Variants in TMEM217B observed in about 807,000 individuals in gnomAD.
The protein encoded by TMEM217B is transmembrane protein 217B.
At chr6:37,212,245 TA>T in the TMEM217B span, 139 of 341,984 alleles carry the variant, frequency 4.1e-4, 1 homozygote, top group African/African-American at 2.7e-3. Flanking sequence ...AACACATCTG[TA>T]AAATAATTGA....
the TMEM217B span, among the ~76,000 whole-genome samples, chr6:37,235,329 G>T: frequency 6.6e-6 from 1 of 152,090 alleles, no homozygotes; most frequent in South Asian, 2.1e-4. Context: ...GAACACCACA[G>T]ACTGGGTAAT....
the TMEM217B span, among the ~76,000 whole-genome samples, chr6:37,237,078 C>G: frequency 6.6e-6 from 1 of 152,160 alleles, no homozygotes; most frequent in Non-Finnish European, 1.5e-5. Flanking sequence ...CCTCAGAAGT[C>G]CCATAGCAAC....
chr6:37,235,659 C>A, the TMEM217B span, among the ~76,000 whole-genome samples: 1 of 152,184 alleles, frequency 6.6e-6, no homozygotes, highest in Non-Finnish European at 1.5e-5. Context: ...AGCCACCACG[C>A]CTGGCCTAAT....
the TMEM217B span, chr6:37,217,707 A>G: frequency 1.0e-6 from 1 of 985,388 alleles, no homozygotes; most frequent in South Asian, 4.7e-5. Context: ...TGGGGAAATC[A>G]TAGCACAAAC....
At chr6:37,223,831 T>C in the TMEM217B span, among the ~76,000 whole-genome samples, 2 of 151,846 alleles carry the variant, frequency 1.3e-5, no homozygotes, top group African/African-American at 4.8e-5. Context: ...TATATATTTA[T>C]TTATAGAGAT....
the TMEM217B span, chr6:37,215,143 C>T: frequency 6.2e-7 from 1 of 1,602,160 alleles, no homozygotes; most frequent in Non-Finnish European, 8.5e-7. Flanking sequence ...GGCCTAACTT[C>T]CCTTTCTGCC....
the TMEM217B span, among the ~76,000 whole-genome samples, chr6:37,219,291 C>CT: frequency 6.6e-6 from 1 of 152,098 alleles, no homozygotes; most frequent in Non-Finnish European, 1.5e-5. Context: ...CTGGATCCAC[C>CT]TTAGAATCAC....
At chr6:37,250,322 T>C in the TMEM217B span, among the ~76,000 whole-genome samples, 2 of 152,324 alleles carry the variant, frequency 1.3e-5, no homozygotes, top group Non-Finnish European at 1.5e-5. Flanking sequence ...ATTGGTAATA[T>C]CCTGTTTTAT....
chr6:37,230,037 A>G, the TMEM217B span, among the ~76,000 whole-genome samples: 15 of 152,234 alleles, frequency 9.9e-5, no homozygotes, highest in Non-Finnish European at 1.5e-4. Context: ...TAGAACAAAG[A>G]TCCCTACTTC....
chr6:37,243,464 A>G, the TMEM217B span, among the ~76,000 whole-genome samples: 1 of 152,222 alleles, frequency 6.6e-6, no homozygotes, highest in East Asian at 1.9e-4. Context: ...CCTGCTACAC[A>G]GACAAAACCA....
chr6:37,236,414 G>A, the TMEM217B span, among the ~76,000 whole-genome samples: 1 of 152,054 alleles, frequency 6.6e-6, no homozygotes, highest in Non-Finnish European at 1.5e-5. Flanking sequence ...TATTTTTTTG[G>A]TGGTAGCATT....
At chr6:37,255,745 G>A in the TMEM217B span, among the ~76,000 whole-genome samples, 1 of 152,070 alleles carries the variant, frequency 6.6e-6, no homozygotes, top group African/African-American at 2.4e-5. Context: ...GGGGCTAAGA[G>A]TGGAAGCAGG....
At chr6:37,227,390 C>T in the TMEM217B span, among the ~76,000 whole-genome samples, 1 of 152,162 alleles carries the variant, frequency 6.6e-6, no homozygotes, top group Non-Finnish European at 1.5e-5. Context: ...TTTTTCCCAT[C>T]TATGCGGCAA....
At chr6:37,212,949 G>T in the TMEM217B span, 3 of 1,549,820 alleles carry the variant, frequency 1.9e-6, no homozygotes, top group Non-Finnish European at 2.6e-6. Context: ...CCACCATGAG[G>T]GAGAACATCC....
chr6:37,255,091 C>G, the TMEM217B span, among the ~76,000 whole-genome samples: 3 of 152,122 alleles, frequency 2.0e-5, no homozygotes, highest in African/African-American at 7.2e-5. Context: ...GGCCTGGTTC[C>G]TAACAGGCAA....
the TMEM217B span, among the ~76,000 whole-genome samples, chr6:37,216,333 C>A: frequency 1.3e-5 from 2 of 152,224 alleles, no homozygotes; most frequent in African/African-American, 4.8e-5. Flanking sequence ...CCCGCTTTGG[C>A]CTCCAAAAGT....
the TMEM217B span, among the ~76,000 whole-genome samples, chr6:37,229,500 G>A: frequency 1.5e-4 from 23 of 151,768 alleles, no homozygotes; most frequent in Middle Eastern, 3.4e-3. Flanking sequence ...CCGCCACCAC[G>A]CCCGGCTAAT....
chr6:37,245,505 C>T, the TMEM217B span, among the ~76,000 whole-genome samples: 1 of 152,246 alleles, frequency 6.6e-6, no homozygotes, highest in African/African-American at 2.4e-5. Flanking sequence ...CAACATGTGC[C>T]ATGACTTAGT....
chr6:37,235,613 AC>A, the TMEM217B span, among the ~76,000 whole-genome samples: 1 of 44,222 alleles, frequency 2.3e-5, no homozygotes, highest in South Asian at 1.3e-3. Context: ...TGATCCGTCC[AC>A]CTTGGCCTCC....
Sources: allele counts gnomAD v4.1 joint callset (sites outside exome capture counted in the v4.1 genomes callset), GRCh38; gene constraint gnomAD v4.1.1; transcripts MANE v1.5; gene names NCBI Gene and HGNC (gene_info 2026-07-23, HGNC 2026-07-21).